The following NTRK3 variants were observed in gnomAD, a reference collection of about 807,000 sequenced individuals.
NTRK3 encodes the protein NT-3 growth factor receptor.
In NTRK3, 24 loss-of-function variants were observed where a neutral mutation model predicts 91.7. The ratio of observed to expected loss-of-function variants is 0.26; its 90% confidence interval spans 0.19 to 0.37. The LOEUF is 0.37. Among genes scored for constraint, NTRK3 ranks in the 10% least tolerant of loss-of-function variants. The pLI is 1.00. For synonymous variants in NTRK3, 483 were observed against 404.0 expected (o/e 1.20, Z -2.34); for missense variants, 880 against 1,068.9 (o/e 0.82, Z 2.46).
chr15:88,213,853 G>A (rs184499934), intron 3 of NTRK3, among the ~76,000 whole-genome samples: 88 of 152,306 alleles, frequency 5.8e-4, no homozygotes, highest in African/African-American at 1.9e-3. Flanking sequence ...GATAAGGCGG[G>A]TGGATCACCT....
chr15:87,936,649 T>C (rs2069309178), intron 15 of NTRK3, among the ~76,000 whole-genome samples: 1 of 151,930 alleles, frequency 6.6e-6, no homozygotes, highest in Admixed American at 6.6e-5. Context: ...CACACATTCC[T>C]AAATGTTCAA....
chr15:88,174,432 C>T (rs2045807625), intron 5 of NTRK3, among the ~76,000 whole-genome samples: 1 of 152,176 alleles, frequency 6.6e-6, no homozygotes. Flanking sequence ...GACCCAAAGC[C>T]CAGCATCTTC....
chr15:87,993,345 C>T (rs986429038), intron 14 of NTRK3, among the ~76,000 whole-genome samples: 1 of 152,200 alleles, frequency 6.6e-6, no homozygotes, highest in Non-Finnish European at 1.5e-5. Context: ...ATAGCTGGCT[C>T]ATTCTAAATT....
chr15:88,175,433 T>C (rs879069207), intron 5 of NTRK3, among the ~76,000 whole-genome samples: 1 of 152,112 alleles, frequency 6.6e-6, no homozygotes, highest in Admixed American at 6.6e-5. Flanking sequence ...TATACACAAT[T>C]CACTTAAAAT....
At chr15:87,998,026 T>C (rs1003204853) in intron 14 of NTRK3, among the ~76,000 whole-genome samples, 2 of 152,220 alleles carry the variant, frequency 1.3e-5, no homozygotes, top group African/African-American at 4.8e-5. Context: ...CTTTGAATGT[T>C]AGTGCAATGA....
intron 5 of NTRK3, among the ~76,000 whole-genome samples, chr15:88,154,539 T>C (rs990271110): frequency 6.6e-6 from 1 of 152,250 alleles, no homozygotes; most frequent in Non-Finnish European, 1.5e-5. Flanking sequence ...TTTAAAGCCA[T>C]CTGAGCCATT....
At chr15:87,971,002 C>T (rs574252033) in intron 14 of NTRK3, among the ~76,000 whole-genome samples, 3 of 152,288 alleles carry the variant, frequency 2.0e-5, no homozygotes, top group African/African-American at 7.2e-5. Context: ...TTCTGGTCTT[C>T]TTAACGACTA....
chr15:88,204,831 C>G (rs2048603606), intron 3 of NTRK3, among the ~76,000 whole-genome samples: 1 of 152,166 alleles, frequency 6.6e-6, no homozygotes, highest in Admixed American at 6.5e-5. Context: ...GGCTCAGGCA[C>G]ATTCATCAGG....
chr15:88,036,063 G>C (rs1446923540), intron 13 of NTRK3, among the ~76,000 whole-genome samples: 1 of 151,608 alleles, frequency 6.6e-6, no homozygotes, highest in Admixed American at 6.6e-5. Flanking sequence ...GAGAGAGACA[G>C]GGAAAATGAA....
chr15:87,924,529 C>A (rs2068130457), intron 17 of NTRK3, among the ~76,000 whole-genome samples: 1 of 152,152 alleles, frequency 6.6e-6, no homozygotes, highest in Non-Finnish European at 1.5e-5. Context: ...GTTCTGTCTC[C>A]TACCAGAACC....
At chr15:88,035,544 A>G (rs2078999834) in intron 13 of NTRK3, among the ~76,000 whole-genome samples, 1 of 152,234 alleles carries the variant, frequency 6.6e-6, no homozygotes. Context: ...TGGAAAGTCA[A>G]GCTCATTCTG....
chr15:87,937,948 G>A (rs972871357), intron 15 of NTRK3, among the ~76,000 whole-genome samples: 1 of 151,678 alleles, frequency 6.6e-6, no homozygotes, highest in African/African-American at 2.4e-5. Context: ...ACCCGGGACA[G>A]AGTATGAAAT....
chr15:88,149,123 T>C (rs575222782), intron 5 of NTRK3, among the ~76,000 whole-genome samples: 2 of 152,232 alleles, frequency 1.3e-5, no homozygotes, highest in East Asian at 1.9e-4. Flanking sequence ...TAAGATCACA[T>C]AGGGAGGGAG....
At chr15:88,153,759 C>T (rs1279530499) in intron 5 of NTRK3, among the ~76,000 whole-genome samples, 1 of 151,842 alleles carries the variant, frequency 6.6e-6, no homozygotes, top group Non-Finnish European at 1.5e-5. Context: ...ATTTAAATCT[C>T]ACATGGTAGA....
chr15:88,166,215 G>A (rs1409814496), intron 5 of NTRK3, among the ~76,000 whole-genome samples: 1 of 152,130 alleles, frequency 6.6e-6, no homozygotes, highest in African/African-American at 2.4e-5. Context: ...CTCAATGCAG[G>A]GTAATCAAAG....
chr15:88,243,197 T>G lies in NTRK3; in HGVS notation c.248+12709A>C, dbSNP rs2052526688. On this transcript the variant is annotated intron_variant, in intron 3 of 18. Coordinates refer to ENST00000394480, the Ensembl canonical transcript of NTRK3. The surrounding 1 kb of genome is among the most constrained non-coding windows in gnomAD (Gnocchi z 4.8). ...AAATTGCACCCCTCCTCCACGCCCT[T>G]GCCCCCTCCCCACTTCTTATGTTAT... is the stretch of plus-strand genomic sequence containing the variant. 6.6e-6 allele frequency among the ~76,000 whole-genome samples: 1 copy of G among 152,184 alleles called. No individual in the cohort carries two copies. The highest frequency in any genetic ancestry group is 2.4e-5 in the African/African-American group (1 of 41,462).
chr15:88,116,255 T>C (rs2052053948), intron 13 of NTRK3, among the ~76,000 whole-genome samples: 1 of 152,172 alleles, frequency 6.6e-6, no homozygotes, highest in Non-Finnish European at 1.5e-5. Context: ...GAGGCATATT[T>C]ACCCAAAGAG....
rs2074260118 is a variant in NTRK3, at chr15:87,981,432, T to C, written c.1586-40679A>G. 8.7e-6 allele frequency: 14 copies of C among 1,610,310 alleles called. No individual in the cohort carries two copies. In the East Asian group the frequency reaches 3.1e-4, roughly 36 times the overall value. Reference sequence around the variant, plus strand: ...CCCAAGTGCAAAAAACATGGGAAAGTATTTTTCTTAAGTGCACAATGCCAG... The same window carrying C: ...CCCAAGTGCAAAAAACATGGGAAAGCATTTTTCTTAAGTGCACAATGCCAG... On this transcript the variant is annotated intron_variant, in intron 14 of 18. Coordinates refer to ENST00000394480, the Ensembl canonical transcript of NTRK3.
chr15:88,118,049 G>A (rs1252051744), intron 13 of NTRK3, among the ~76,000 whole-genome samples: 4 of 152,208 alleles, frequency 2.6e-5, no homozygotes, highest in Non-Finnish European at 4.4e-5. Flanking sequence ...AAGGAGCTGG[G>A]GCCGGGGATT....
Sources: gnomAD v4.1 joint callset for allele counts (sites outside exome capture counted in the v4.1 genomes callset) on GRCh38, gnomAD v4.1.1 for gene constraint, Gnocchi (gnomAD v3.1) non-coding constraint, MANE v1.5 for transcripts, NCBI Gene and HGNC (gene_info 2026-07-23, HGNC 2026-07-21) for gene names.